Variants in APCDD1 observed in about 807,000 individuals in gnomAD.
The protein encoded by APCDD1 is protein APCDD1.
APCDD1 carries 15 observed loss-of-function variants against 38.1 expected under a neutral mutation model. The ratio of observed to expected loss-of-function variants is 0.39; its 90% CI spans 0.26 to 0.61. The LOEUF (loss-of-function observed/expected upper bound fraction) is 0.61. APCDD1 is among the 20% of genes least tolerant of loss of function. The probability of loss-of-function intolerance (pLI) is 0.49; values close to 1 mark genes in which losing one functional copy is unlikely to be tolerated. For missense variants in APCDD1, 647 were observed against 696.2 expected (o/e 0.93, Z 0.79); for synonymous variants, 261 against 279.7 (o/e 0.93, Z 0.67).
chr18:10,463,318 GT>G (rs1170440785), intron 1 of APCDD1, among the ~76,000 whole-genome samples: 1 of 152,120 alleles, frequency 6.6e-6, no homozygotes, highest in African/African-American at 2.4e-5. Flanking sequence ...GGGGCAAAAT[GT>G]TTGTAGATGC....
chr18:10,478,062 G>A (rs2031048077), intron 3 of APCDD1, among the ~76,000 whole-genome samples: 1 of 152,108 alleles, frequency 6.6e-6, no homozygotes, highest in African/African-American at 2.4e-5. Context: ...GGCTAATGTT[G>A]CTCTTAAGGA....
rs150011769 is a variant in APCDD1, at chr18:10,464,602, G to C, written c.59-3867G>C. On this transcript the variant is annotated intron_variant, in intron 1 of 4. Coordinates refer to ENST00000355285, the MANE Select transcript of APCDD1 (RefSeq NM_153000.5). ...TGTGCCTGGCTATTTTTATTTTCTT[G>C]TAGAGATGGGGTCTTGTTACCTTGC... 9.1e-4 allele frequency among the ~76,000 whole-genome samples: 138 copies of C among 152,126 alleles called. 1 individual carries two copies. Among genetic ancestry groups the C allele is most frequent in the East Asian group, 8.5e-3 (44 of 5,166 alleles).
intron 3 of APCDD1, chr18:10,477,189 G>A (rs1257146753): frequency 1.3e-5 from 2 of 152,278 alleles, no homozygotes; most frequent in Non-Finnish European, 2.9e-5. Flanking sequence ...GGAGATGGAC[G>A]AGGTGGTGGA....
At position 10,475,641 on chromosome 18, in the gene APCDD1, G is replaced by A. The variant is rs2030972269; in HGVS notation, c.774+3580G>A. ...TGTGATCTTCTATTACCTAAGCACAGTCATCACAGAAAATTTAGATTAAAA... is the reference window on the plus strand; with the variant it reads ...TGTGATCTTCTATTACCTAAGCACAATCATCACAGAAAATTTAGATTAAAA... On this transcript the variant is annotated intron_variant, in intron 3 of 4. Coordinates refer to ENST00000355285, the MANE Select transcript of APCDD1 (RefSeq NM_153000.5). The surrounding 1 kb of genome is among the most constrained non-coding windows in gnomAD (Gnocchi z 4.0). 6.7e-6 allele frequency among the ~76,000 whole-genome samples: 1 copy of A among 148,770 alleles called. No homozygotes were observed. Among genetic ancestry groups the A allele is most frequent in the Admixed American group, 6.7e-5 (1 of 14,962 alleles).
In APCDD1 at chr18:10,485,411, G is replaced by T; in HGVS notation, c.775-51G>T. ...CATTTGCCGGAAGCATGTGTGCACT[G>T]CTCCCTTGGGAAGATAGAGGCCTCT... On this transcript the variant is annotated intron_variant, in intron 3 of 4. Coordinates refer to ENST00000355285, the MANE Select transcript of APCDD1 (RefSeq NM_153000.5). The surrounding 1 kb of genome is among the most constrained non-coding windows in gnomAD (Gnocchi z 5.8). The T allele has an allele frequency of 6.2e-7, 1 of 1,602,662 alleles. No individual in the cohort carries two copies. Among genetic ancestry groups the T allele is most frequent in the Non-Finnish European group, 8.5e-7 (1 of 1,174,126 alleles).
At chr18:10,479,377 A>T (rs563233766) in intron 3 of APCDD1, among the ~76,000 whole-genome samples, 1 of 152,326 alleles carries the variant, frequency 6.6e-6, no homozygotes, top group Admixed American at 6.5e-5. Flanking sequence ...TCCTTAGTTG[A>T]TCTGTTCACA....
chr18:10,474,096 G>C (rs1568005161), intron 3 of APCDD1: 1 of 152,058 alleles, frequency 6.6e-6, no homozygotes, highest in Non-Finnish European at 1.5e-5. Flanking sequence ...GCTAATTTTT[G>C]TATTTTTAGT....
rs1270136850 is a variant in APCDD1, at chr18:10,454,905, A to C, written c.-77A>C. The C allele has an allele frequency of 7.1e-7, 1 of 1,402,560 alleles. No homozygotes were observed. Among genetic ancestry groups the C allele is most frequent in the East Asian group, 3.2e-5 (1 of 31,608 alleles). The allele number at this position is 1,402,560 out of a possible 1,614,324, so 86.9% of individuals were successfully genotyped here. ...CCCGGCCGCACCCGGCCGGAGGCGG[A>C]GGGCAGAGCGCGCGCCCAGTTGCCC... is the stretch of plus-strand genomic sequence containing the variant. On this transcript the variant is annotated 5_prime_UTR_variant, in exon 1 of 5. Coordinates refer to ENST00000355285, the MANE Select transcript of APCDD1 (RefSeq NM_153000.5).
At chr18:10,474,766 G>C (rs2030952077) in intron 3 of APCDD1, among the ~76,000 whole-genome samples, 1 of 152,194 alleles carries the variant, frequency 6.6e-6, no homozygotes, top group Non-Finnish European at 1.5e-5. Context: ...TACTCCAGGA[G>C]GGGACACTTC....
rs956640525 is a variant in APCDD1 at position 10,471,383 on chromosome 18, G to A, written c.243-147G>A. On this transcript the variant is annotated intron_variant, in intron 2 of 4. Coordinates refer to ENST00000355285, the MANE Select transcript of APCDD1 (RefSeq NM_153000.5). This position sits in a 1 kb window ranked among gnomAD's most constrained non-coding sequence, Gnocchi z 5.5. Reference sequence around the variant, plus strand: ...TCCTAGGTTGTTGTGAGGAGTCAATGAGTTGGTATCTATAAAGGGCTGACA... The same window carrying A: ...TCCTAGGTTGTTGTGAGGAGTCAATAAGTTGGTATCTATAAAGGGCTGACA... 6 of 1,024,724 alleles carry A rather than the reference G, an allele frequency of 5.9e-6. No homozygotes were observed. The African/African-American group carries it at 8.0e-5, about 14-fold the overall frequency. The allele number at this position is 1,024,724 out of a possible 1,614,324, so 63.5% of individuals were successfully genotyped here.
chr18:10,464,312 A>ACACACACG (rs2030648231), intron 1 of APCDD1, among the ~76,000 whole-genome samples: 1 of 24,452 alleles, frequency 4.1e-5, no homozygotes, highest in South Asian at 1.2e-3. Context: ...TTCAAAGTAA[A>ACACACACG]CACACACACA....
rs1410412817 is a variant in APCDD1 at position 10,489,622 on chromosome 18, C to T, written c.*1584C>T. On this transcript the variant is annotated 3_prime_UTR_variant, in exon 5 of 5. Coordinates refer to ENST00000355285, the MANE Select transcript of APCDD1 (RefSeq NM_153000.5). ...GCTGAGGCAGGAGAATGGCATGAAC[C>T]TGGGAGGTGGAGCTTGCAGTGAGCC... The T allele has an allele frequency of 6.6e-6, 1 of 151,876 alleles. No homozygotes were observed. The highest frequency in any genetic ancestry group is 2.4e-5 in the African/African-American group (1 of 41,304). 9.4% of individuals were successfully genotyped at this position (151,876 alleles called of 1,614,324 possible).
intron 1 of APCDD1, among the ~76,000 whole-genome samples, chr18:10,459,698 A>G (rs1178465502): frequency 6.6e-6 from 1 of 152,244 alleles, no homozygotes; most frequent in East Asian, 1.9e-4. Context: ...TTTTATTTCA[A>G]AAAAATGGAA....
Position 10,467,520 on chromosome 18 carries a change from A to G in APCDD1, c.59-949A>G, listed in dbSNP as rs1220045181. ...TCAGATAATAATTCCACCAGTTTTA[A>G]TTGCTTTATTCTGAACATTAGGCTG... is the stretch of plus-strand genomic sequence containing the variant. On this transcript the variant is annotated intron_variant, in intron 1 of 4. Coordinates refer to ENST00000355285, the MANE Select transcript of APCDD1 (RefSeq NM_153000.5). The surrounding 1 kb of genome is among the most constrained non-coding windows in gnomAD (Gnocchi z 4.8). Among the ~76,000 whole-genome samples, 1 of 152,170 alleles carries G rather than the reference A, an allele frequency of 6.6e-6. No homozygotes were observed. The highest frequency in any genetic ancestry group is 1.5e-5 in the Non-Finnish European group (1 of 68,038).
chr18:10,474,613 G>T (rs986742007), intron 3 of APCDD1, among the ~76,000 whole-genome samples: 1 of 152,126 alleles, frequency 6.6e-6, no homozygotes, highest in African/African-American at 2.4e-5. Flanking sequence ...GATCTCTTCT[G>T]CTCTTTTTAG....
At chr18:10,460,489 T>C (rs1303178866) in intron 1 of APCDD1, among the ~76,000 whole-genome samples, 2 of 148,666 alleles carry the variant, frequency 1.3e-5, no homozygotes, top group East Asian at 4.0e-4. Flanking sequence ...GCCGAGATCG[T>C]GCCACTGCCC....
intron 1 of APCDD1, among the ~76,000 whole-genome samples, chr18:10,468,180 T>G (rs1343113058): frequency 6.6e-6 from 1 of 152,246 alleles, no homozygotes; most frequent in African/African-American, 2.4e-5. Context: ...GCTTCATAGA[T>G]GCATGGATTT....
intron 3 of APCDD1, among the ~76,000 whole-genome samples, chr18:10,481,812 G>A (rs2031145974): frequency 6.8e-6 from 1 of 146,818 alleles, no homozygotes; most frequent in African/African-American, 2.5e-5. Context: ...CTGCGCCTGT[G>A]CTCTCCACAA....
chr18:10,468,794 CTCT>C, intron 2 of APCDD1, 142 bp downstream of exon 2: 1 of 882,104 alleles, frequency 1.1e-6, no homozygotes, highest in East Asian at 2.6e-5. Flanking sequence ...AACCAAACCA[CTCT>C]TTGAAATTAT....
Sources: gnomAD v4.1 joint callset for allele counts (sites outside exome capture counted in the v4.1 genomes callset) on GRCh38, gnomAD v4.1.1 for gene constraint, Gnocchi (gnomAD v3.1) non-coding constraint, MANE v1.5 for transcripts, NCBI Gene and HGNC (gene_info 2026-07-23, HGNC 2026-07-21) for gene names.